The following RBM34 variants were observed in gnomAD, a reference collection of about 807,000 sequenced individuals.
The protein encoded by RBM34 is RNA-binding protein 34.
A neutral mutation model predicts 44.6 loss-of-function variants in RBM34; 39 were observed. That is an observed-to-expected ratio of 0.87 (90% CI 0.68 to 1.14). The LOEUF (loss-of-function observed/expected upper bound fraction) is 1.14, where lower values mean the gene tolerates loss of function less well. Among genes scored for constraint, RBM34 ranks in the 50% most tolerant of loss-of-function variants. RBM34 has a pLI of 0.00. For synonymous variants in RBM34, 194 were observed against 184.0 expected (o/e 1.05, Z -0.44); for missense variants, 572 against 517.9 (o/e 1.10, Z -1.01).
At chr1:235,143,154 T>A (rs66912035) in intron 6 of RBM34, among the ~76,000 whole-genome samples, 1 of 152,074 alleles carries the variant, frequency 6.6e-6, no homozygotes, top group Non-Finnish European at 1.5e-5. Context: ...TGCCTAACAT[T>A]TTTAGTCACT....
chr1:235,138,781 T>C (rs192848239), intron 6 of RBM34, among the ~76,000 whole-genome samples: 1 of 151,270 alleles, frequency 6.6e-6, no homozygotes, highest in African/African-American at 2.4e-5. Flanking sequence ...GTCTATACTT[T>C]TGACCTGATA....
intron 6 of RBM34, among the ~76,000 whole-genome samples, chr1:235,144,198 A>G (rs1250784662): frequency 1.3e-5 from 2 of 152,138 alleles, no homozygotes; most frequent in Non-Finnish European, 2.9e-5. Flanking sequence ...CTCCCCCACA[A>G]AAAAACAAAC....
chr1:235,161,170 T>G lies in RBM34; in HGVS notation c.53+4A>C. Reference sequence around the variant, plus strand: ...CCCAGGTACTCGTGCCGCGCGCCACTCACCCCTCCTGGACACTTCTCTTTC... The same window carrying G: ...CCCAGGTACTCGTGCCGCGCGCCACGCACCCCTCCTGGACACTTCTCTTTC... On this transcript the variant is annotated splice_donor_region_variant and intron_variant, in intron 1 of 10. Coordinates refer to ENST00000408888, the MANE Select transcript of RBM34 (RefSeq NM_015014.4). 6.2e-7 allele frequency: 1 copy of G among 1,600,076 alleles called. No homozygotes were observed. Among genetic ancestry groups the G allele is most frequent in the Non-Finnish European group, 8.5e-7 (1 of 1,170,190 alleles).
chr1:235,133,300 C>T (rs992953135), intron 10 of RBM34, among the ~76,000 whole-genome samples: 5 of 152,124 alleles, frequency 3.3e-5, no homozygotes, highest in African/African-American at 1.2e-4. Context: ...GAGATCGTGC[C>T]AAAGCACTCC....
intron 5 of RBM34, among the ~76,000 whole-genome samples, chr1:235,152,155 C>A (rs1240240887): frequency 2.6e-5 from 4 of 151,804 alleles, no homozygotes; most frequent in Non-Finnish European, 4.4e-5. Context: ...AAAAAAAAAT[C>A]ATGTATGGGA....
chr1:235,157,221 G>A (rs1432158843), intron 3 of RBM34, among the ~76,000 whole-genome samples: 1 of 152,198 alleles, frequency 6.6e-6, no homozygotes, highest in East Asian at 1.9e-4. Context: ...GGTTGGAGAA[G>A]GGAGACCAGT....
At position 235,148,293 on chromosome 1, in the gene RBM34, A is replaced by G; in HGVS notation, c.701+111T>C. The G allele has an allele frequency of 4.1e-6, 3 of 723,562 alleles. No individual in the cohort carries two copies. The East Asian group carries it at 9.2e-5, about 22-fold the overall frequency. The allele number at this position is 723,562 out of a possible 1,614,324, so 44.8% of individuals were successfully genotyped here. A position where few individuals can be genotyped will look rare whatever the true frequency, so the allele number is the denominator to read the frequency against. ...AGAAGCAAACAGTCAATCATGCTCTATTATCCAAATATATTAATAAAATCT... is the reference window on the plus strand; with the variant it reads ...AGAAGCAAACAGTCAATCATGCTCTGTTATCCAAATATATTAATAAAATCT... On this transcript the variant is annotated intron_variant, in intron 6 of 10. Transcript: ENST00000408888.
chr1:235,135,806 T>C (rs770988424), intron 9 of RBM34, 36 bp from the exon 10 acceptor site: 22 of 1,553,484 alleles, frequency 1.4e-5, no homozygotes, highest in Non-Finnish European at 2.0e-5. Context: ...AAGTAAAGAG[T>C]TGGGAGCCCC....
intron 5 of RBM34, 168 bp downstream of exon 5, chr1:235,152,537 TC>T: frequency 7.4e-7 from 1 of 1,360,350 alleles, no homozygotes; most frequent in Middle Eastern, 2.7e-4. Context: ...TTTAAAAAGT[TC>T]AAGAGTCAGC....
chr1:235,150,449 A>G (rs931973710), intron 5 of RBM34, among the ~76,000 whole-genome samples: 2 of 152,244 alleles, frequency 1.3e-5, no homozygotes, highest in Non-Finnish European at 2.9e-5. Flanking sequence ...AGGAAAAAAT[A>G]TCACTTAATG....
chr1:235,143,510 C>G (rs1056173884), intron 6 of RBM34, among the ~76,000 whole-genome samples: 3 of 152,056 alleles, frequency 2.0e-5, no homozygotes, highest in African/African-American at 7.2e-5. Flanking sequence ...CTGAGGCGGG[C>G]GGATCACCTG....
At chr1:235,155,826 T>TAC (rs1278277700) in intron 3 of RBM34, among the ~76,000 whole-genome samples, 3 of 12,394 alleles carry the variant, frequency 2.4e-4, no homozygotes, top group African/African-American at 1.1e-3. Flanking sequence ...CATATACATA[T>TAC]ATATATATAT....
intron 3 of RBM34, among the ~76,000 whole-genome samples, chr1:235,155,825 A>AT (rs1662389854): frequency 1.3e-4 from 1 of 7,960 alleles, no homozygotes; most frequent in Non-Finnish European, 2.1e-4. Flanking sequence ...ACATATACAT[A>AT]TATATATATA....
chr1:235,138,142 T>A lies in RBM34; in HGVS notation c.734A>T (p.Asn245Ile). Residue 245 changes from asparagine to isoleucine, a missense_variant, in exon 7 of 11, where the codon AAT becomes ATT. Transcript: ENST00000408888. ...RKIHPDQKNI[N>I]AYVVFKEESA... ...CTCCTCCTTAAACACAACATAGGCA[T>A]TAATATTTTTCTGATCAGGATGAAT... 1 of 1,604,334 alleles carries A rather than the reference T, an allele frequency of 6.2e-7. No homozygotes were observed. Among genetic ancestry groups the A allele is most frequent in the Non-Finnish European group, 8.5e-7 (1 of 1,177,016 alleles).
Position 235,137,911 on chromosome 1 carries a change from C to G in RBM34, c.815G>C (p.Arg272Pro). The G allele has an allele frequency of 6.2e-7, 1 of 1,604,158 alleles. No homozygotes were observed. The highest frequency in any genetic ancestry group is 1.1e-5 in the South Asian group (1 of 90,130). The change falls in exon 8 of 11, where the codon CGT (arginine) becomes CCT (proline). Residue 272 changes from arginine (R) to proline (P), a missense_variant. Coordinates refer to ENST00000408888, the MANE Select transcript of RBM34 (RefSeq NM_015014.4). Reference sequence around the variant, plus strand: ...CTCAGATGCGAGATCAACTCTAATACGAAATCCATCTGCAATCTGGGCCCC... The same window carrying G: ...CTCAGATGCGAGATCAACTCTAATAGGAAATCCATCTGCAATCTGGGCCCC... ...RNGAQIADGF[R>P]IRVDLASETS...
At position 235,148,535 on chromosome 1, in the gene RBM34, C is replaced by T. The variant is rs1228088177; in HGVS notation, c.658-88G>A. On this transcript the variant is annotated intron_variant, in intron 5 of 10. Coordinates refer to ENST00000408888, the MANE Select transcript of RBM34 (RefSeq NM_015014.4). ...TTAAGTGAAGTCTAAGTATCTAACT[C>T]CAGTACACTGTGATCAAAAACATTC... 2.6e-5 allele frequency: 23 copies of T among 893,902 alleles called. No homozygotes were observed. In the South Asian group the frequency reaches 4.2e-4, roughly 16 times the overall value. The allele number at this position is 893,902 out of a possible 1,614,324, so 55.4% of individuals were successfully genotyped here.
At chr1:235,133,324 G>C (rs1199952093) in intron 10 of RBM34, among the ~76,000 whole-genome samples, 2 of 152,214 alleles carry the variant, frequency 1.3e-5, no homozygotes, top group Admixed American at 1.3e-4. Flanking sequence ...CTGAGCAACA[G>C]AGTGAGACTC....
At chr1:235,132,148 G>C (rs1268832528) in intron 10 of RBM34, 151 bp from the exon 11 acceptor site, 1 of 676,526 alleles carries the variant, frequency 1.5e-6, no homozygotes, top group African/African-American at 1.8e-5. Flanking sequence ...TGCACTCGAA[G>C]TCTCCTCATC....
intron 6 of RBM34, among the ~76,000 whole-genome samples, chr1:235,146,616 A>T (rs1480748232): frequency 6.6e-6 from 1 of 152,002 alleles, no homozygotes; most frequent in East Asian, 1.9e-4. Flanking sequence ...TGTATAATTA[A>T]ATTTTATTTA....
Sources: allele counts gnomAD v4.1 joint callset (sites outside exome capture counted in the v4.1 genomes callset), GRCh38; gene constraint gnomAD v4.1.1; transcripts MANE v1.5; gene names NCBI Gene and HGNC (gene_info 2026-07-23, HGNC 2026-07-21).